The following GPR89B variants were observed in gnomAD, a reference collection of about 807,000 sequenced individuals.
GPR89B encodes golgi pH regulator B, also known as G protein-coupled receptor 89B.
A neutral mutation model predicts 52.4 loss-of-function variants in GPR89B; 25 were observed. The ratio of observed to expected loss-of-function variants is 0.48; its 90% CI spans 0.35 to 0.67. GPR89B has a LOEUF of 0.67. GPR89B is among the 30% of genes least tolerant of loss of function. The pLI, the probability that GPR89B is intolerant of heterozygous loss-of-function variation, is 0.01. For synonymous variants in GPR89B, 52 were observed against 151.2 expected (o/e 0.34, Z 4.81); for missense variants, 146 against 450.2 (o/e 0.32, Z 6.11).
chr1:148,014,907 C>G, the GPR89B span: 1 of 151,646 alleles, frequency 6.6e-6, no homozygotes, highest in Non-Finnish European at 1.5e-5. Context: ...TCAGAATCAC[C>G]CAGTGAACGG....
chr1:148,024,743 G>T, the GPR89B span: 1 of 149,692 alleles, frequency 6.7e-6, no homozygotes, highest in Non-Finnish European at 1.5e-5. Flanking sequence ...TGCCCAGGGG[G>T]AGAAGTGGCC....
the GPR89B span, among the ~76,000 whole-genome samples, chr1:148,013,764 G>A: frequency 6.6e-6 from 1 of 152,012 alleles, no homozygotes; most frequent in Non-Finnish European, 1.5e-5. Flanking sequence ...TCCTCCTGGG[G>A]TTAAGAGACG....
At chr1:148,005,605 G>A in the GPR89B span, 3 of 1,158,390 alleles carry the variant, frequency 2.6e-6, no homozygotes, top group Non-Finnish European at 2.5e-6. Flanking sequence ...CCCCAGTCCT[G>A]TGATTGCCTC....
chr1:147,999,514 G>T, the GPR89B span, among the ~76,000 whole-genome samples: 3 of 146,552 alleles, frequency 2.0e-5, no homozygotes, highest in Non-Finnish European at 3.0e-5. Context: ...CAGGGGAATC[G>T]CTTGAACCCG....
At chr1:148,018,804 T>C in the GPR89B span, among the ~76,000 whole-genome samples, 1 of 149,256 alleles carries the variant, frequency 6.7e-6, no homozygotes, top group South Asian at 2.2e-4. Context: ...GTAGCTGGGA[T>C]TACAGGCATG....
At chr1:148,017,519 G>T in the GPR89B span, among the ~76,000 whole-genome samples, 14 of 150,072 alleles carry the variant, frequency 9.3e-5, no homozygotes, top group Non-Finnish European at 1.3e-4. Context: ...TGGATCACGA[G>T]GTCAGGAGAT....
At chr1:147,932,205 C>G (rs1480169759) in intron 1 of GPR89B, among the ~76,000 whole-genome samples, 1 of 152,006 alleles carries the variant, frequency 6.6e-6, no homozygotes, top group African/African-American at 2.4e-5. Context: ...GAATTTACAT[C>G]TGTCTCCACC....
At chr1:147,973,354 T>C (rs1391916121) in intron 10 of GPR89B, among the ~76,000 whole-genome samples, 1 of 152,102 alleles carries the variant, frequency 6.6e-6, no homozygotes, top group Non-Finnish European at 1.5e-5. Context: ...ATTGCCATTC[T>C]GACTGGTGTG....
intron 10 of GPR89B, among the ~76,000 whole-genome samples, chr1:147,977,985 T>C (rs1657965157): frequency 1.3e-5 from 2 of 151,824 alleles, no homozygotes; most frequent in Admixed American, 6.5e-5. Context: ...AGCCTACTTC[T>C]GTCAGTGCAT....
At chr1:147,965,115 ATG>A (rs1263365687) in intron 7 of GPR89B, among the ~76,000 whole-genome samples, 1 of 149,216 alleles carries the variant, frequency 6.7e-6, no homozygotes, top group Non-Finnish European at 1.5e-5. Flanking sequence ...GTGATAGTAG[ATG>A]TGTAGTTAGA....
chr1:147,950,354 C>A (rs1655545797), intron 5 of GPR89B, among the ~76,000 whole-genome samples: 1 of 151,172 alleles, frequency 6.6e-6, no homozygotes, highest in Non-Finnish European at 1.5e-5. Flanking sequence ...GGCAGAGACG[C>A]TCCTCACTTC....
the GPR89B span, chr1:148,003,644 A>T: frequency 2.2e-5 from 13 of 598,528 alleles, no homozygotes; most frequent in East Asian, 3.6e-4. Context: ...CCCTCATGTG[A>T]CATAGACGCT....
At chr1:147,943,911 A>G (rs1654750773) in intron 4 of GPR89B, 86 bp from the exon 5 acceptor site, 1 of 734,920 alleles carries the variant, frequency 1.4e-6, no homozygotes, top group Non-Finnish European at 2.2e-6. Context: ...GCCAAATATT[A>G]GTTAGCATTA....
At chr1:148,015,508 G>T in the GPR89B span, among the ~76,000 whole-genome samples, 2,567 of 145,012 alleles carry the variant, frequency 0.018, 102 homozygotes, top group African/African-American at 0.063. Flanking sequence ...AGAGACGGGG[G>T]TTTCATCATG....
the GPR89B span, among the ~76,000 whole-genome samples, chr1:148,000,736 A>G: frequency 1.3e-5 from 2 of 150,244 alleles, no homozygotes; most frequent in Admixed American, 1.3e-4. Flanking sequence ...CCCCCCAGGT[A>G]TCTGTTAAAC....
At chr1:147,983,530 A>G (rs1327605314) in intron 10 of GPR89B, among the ~76,000 whole-genome samples, 8 of 152,240 alleles carry the variant, frequency 5.3e-5, no homozygotes, top group African/African-American at 7.2e-5. Context: ...ATGAACAGAC[A>G]CTTCTCAAAA....
chr1:148,021,509 A>G, the GPR89B span, among the ~76,000 whole-genome samples: 1 of 151,452 alleles, frequency 6.6e-6, no homozygotes, highest in Non-Finnish European at 1.5e-5. Context: ...GAAAGGAGAG[A>G]AGCTGTGGGG....
chr1:147,941,372 G>T (rs1654544190), intron 3 of GPR89B, among the ~76,000 whole-genome samples: 1 of 152,200 alleles, frequency 6.6e-6, no homozygotes, highest in Non-Finnish European at 1.5e-5. Context: ...GTATTGCCTG[G>T]AGGATGTCCA....
chr1:147,959,308 T>A (rs1418232524), intron 7 of GPR89B, among the ~76,000 whole-genome samples: 24 of 152,140 alleles, frequency 1.6e-4, no homozygotes, highest in African/African-American at 5.1e-4. Flanking sequence ...ATATATTCAC[T>A]AGTGAAATTT....
Sources: gnomAD v4.1 joint callset for allele counts (sites outside exome capture counted in the v4.1 genomes callset) on GRCh38, gnomAD v4.1.1 for gene constraint, MANE v1.5 for transcripts, NCBI Gene and HGNC (gene_info 2026-07-23, HGNC 2026-07-21) for gene names.